Variants in SGCZ observed in about 807,000 individuals in gnomAD.
SGCZ encodes the protein sarcoglycan zeta.
SGCZ carries 40 observed loss-of-function variants against 41.3 expected under a neutral mutation model. The ratio of observed to expected loss-of-function variants is 0.97; its 90% CI spans 0.75 to 1.26. SGCZ has a LOEUF of 1.26. SGCZ is among the 50% of genes most tolerant of loss of function. The pLI, the probability that SGCZ is intolerant of heterozygous loss-of-function variation, is 0.00. For synonymous variants in SGCZ, 206 were observed against 137.5 expected (o/e 1.50, Z -3.49); for missense variants, 552 against 369.8 (o/e 1.49, Z -4.04).
chr8:15,088,151 T>G (rs753302492), intron 1 of SGCZ, among the ~76,000 whole-genome samples: 1 of 152,176 alleles, frequency 6.6e-6, no homozygotes, highest in Non-Finnish European at 1.5e-5. Context: ...TGATACTTTA[T>G]ATTTTTTGGT....
At chr8:14,162,828 A>G (rs1490245571) in intron 5 of SGCZ, among the ~76,000 whole-genome samples, 2 of 152,130 alleles carry the variant, frequency 1.3e-5, no homozygotes, top group Non-Finnish European at 2.9e-5. Context: ...TTCCCATTCA[A>G]TAATCCCTGT....
chr8:14,132,723 A>G (rs1276612802), intron 5 of SGCZ, among the ~76,000 whole-genome samples: 2 of 151,672 alleles, frequency 1.3e-5, no homozygotes, highest in Non-Finnish European at 2.9e-5. Context: ...TAGCCTTTTC[A>G]TTTCTGTTTC....
chr8:14,731,327 T>G (rs1585215963), intron 1 of SGCZ, among the ~76,000 whole-genome samples: 1 of 150,676 alleles, frequency 6.6e-6, no homozygotes, highest in East Asian at 2.0e-4. Context: ...TAAGTGGGAG[T>G]TGAACAATGA....
At chr8:14,171,470 G>GCA (rs1804379235) in intron 4 of SGCZ, among the ~76,000 whole-genome samples, 1 of 151,708 alleles carries the variant, frequency 6.6e-6, no homozygotes, top group African/African-American at 2.4e-5. Flanking sequence ...GTATTCAACT[G>GCA]GTAGTATAAT....
chr8:14,573,469 T>A (rs1344613528), intron 1 of SGCZ, among the ~76,000 whole-genome samples: 1 of 152,124 alleles, frequency 6.6e-6, no homozygotes, highest in Non-Finnish European at 1.5e-5. Flanking sequence ...ATTACAGGCA[T>A]GAGCCACTGC....
intron 1 of SGCZ, among the ~76,000 whole-genome samples, chr8:14,895,187 A>G (rs954304236): frequency 1.3e-5 from 2 of 152,202 alleles, no homozygotes; most frequent in Non-Finnish European, 2.9e-5. Context: ...TATTAATAAC[A>G]GTTGTTGCCA....
rs557363940 is a variant in SGCZ, at chr8:14,808,917, C to T, written c.40-253991G>A. Among the ~76,000 whole-genome samples, 834 of 151,562 alleles carry T rather than the reference C, an allele frequency of 5.5e-3. 8 individuals carry two copies. Among genetic ancestry groups the T allele is most frequent in the African/African-American group, 0.019 (791 of 41,164 alleles). ...ATGCAGCCATAAAAAATGATGAGTT[C>T]ATGTCCTTTGTAGGGACATGGATGA... On this transcript the variant is annotated intron_variant, in intron 1 of 7. Transcript: ENST00000382080.
chr8:14,581,459 T>G (rs1012782915), intron 1 of SGCZ, among the ~76,000 whole-genome samples: 2 of 151,914 alleles, frequency 1.3e-5, no homozygotes, highest in Non-Finnish European at 2.9e-5. Flanking sequence ...GTTTTTTTTT[T>G]TCCCCCACAG....
intron 1 of SGCZ, among the ~76,000 whole-genome samples, chr8:15,226,056 A>C (rs1801761717): frequency 6.6e-6 from 1 of 152,208 alleles, no homozygotes; most frequent in Non-Finnish European, 1.5e-5. Context: ...ACAAGGATAA[A>C]ATAATTACAA....
chr8:15,138,278 G>A (rs1808188992), intron 1 of SGCZ, among the ~76,000 whole-genome samples: 1 of 152,106 alleles, frequency 6.6e-6, no homozygotes, highest in South Asian at 2.1e-4. Context: ...TTATTTTACA[G>A]GCTCATAAGC....
rs1585120365 is a variant in SGCZ at position 14,086,449 on chromosome 8, T to C, written c.*3994A>G. ...AACGAGGCATTCTCTGATTGAGTCA[T>C]TCGATAGAATATGTAGGAATTTTGA... On this transcript the variant is annotated 3_prime_UTR_variant, in exon 8 of 8. Coordinates refer to ENST00000382080, the MANE Select transcript of SGCZ (RefSeq NM_139167.4). Among the ~76,000 whole-genome samples the C allele has an allele frequency of 6.6e-6, 1 of 151,680 alleles. No homozygotes were observed.
intron 5 of SGCZ, among the ~76,000 whole-genome samples, chr8:14,112,543 T>C (rs545315312): frequency 2.6e-5 from 4 of 152,136 alleles, no homozygotes; most frequent in Non-Finnish European, 2.9e-5. Flanking sequence ...TTCAAACTTT[T>C]TGGAAGTCTT....
At chr8:15,002,886 G>T (rs1340850066) in intron 1 of SGCZ, among the ~76,000 whole-genome samples, 2 of 152,078 alleles carry the variant, frequency 1.3e-5, no homozygotes, top group Admixed American at 6.6e-5. Context: ...GGACCCTGGG[G>T]GAGGTAATGG....
chr8:14,254,476 T>C lies in SGCZ; in HGVS notation c.337-16797A>G, dbSNP rs571826123. 3.3e-5 allele frequency among the ~76,000 whole-genome samples: 5 copies of C among 152,302 alleles called. No homozygotes were observed. In the East Asian group the frequency reaches 9.7e-4, roughly 29 times the overall value. The stretch of plus-strand genomic sequence containing the variant: ...GCATTAGGGATATAGTCAGATGTTA[T>C]CTTAGGTCAAAAATAAGTGAAGCAG... On this transcript the variant is annotated intron_variant, in intron 3 of 7. Coordinates refer to ENST00000382080, the MANE Select transcript of SGCZ (RefSeq NM_139167.4).
At chr8:14,502,014 A>T (rs773168842) in intron 2 of SGCZ, among the ~76,000 whole-genome samples, 3 of 152,098 alleles carry the variant, frequency 2.0e-5, no homozygotes, top group Admixed American at 1.3e-4. Context: ...AACCTTTTTT[A>T]AAAAAGTAAT....
intron 1 of SGCZ, among the ~76,000 whole-genome samples, chr8:15,014,095 A>G (rs1802935066): frequency 6.6e-6 from 1 of 152,224 alleles, no homozygotes; most frequent in African/African-American, 2.4e-5. Context: ...TCCCTTCTGA[A>G]ATGACAGAAG....
intron 1 of SGCZ, among the ~76,000 whole-genome samples, chr8:15,138,486 G>C (rs1465481642): frequency 1.3e-5 from 2 of 152,058 alleles, no homozygotes; most frequent in African/African-American, 4.8e-5. Context: ...TTGAATTGTA[G>C]CTCCCATAAT....
intron 1 of SGCZ, among the ~76,000 whole-genome samples, chr8:15,131,664 T>C (rs1458883480): frequency 6.6e-6 from 1 of 152,218 alleles, no homozygotes; most frequent in African/African-American, 2.4e-5. Flanking sequence ...GCGCGGCATC[T>C]TCTCAAGGAA....
chr8:14,761,810 G>T (rs973031786), intron 1 of SGCZ, among the ~76,000 whole-genome samples: 1 of 151,990 alleles, frequency 6.6e-6, no homozygotes, highest in Non-Finnish European at 1.5e-5. Flanking sequence ...CAGGTGTGAA[G>T]GTGTGAGCCA....
Sources: allele counts gnomAD v4.1 joint callset (sites outside exome capture counted in the v4.1 genomes callset), GRCh38; gene constraint gnomAD v4.1.1; transcripts MANE v1.5; gene names NCBI Gene and HGNC (gene_info 2026-07-23, HGNC 2026-07-21).